Variants in ANK2 observed in about 807,000 individuals in gnomAD.
ANK2 encodes ankyrin-2.
A neutral mutation model predicts 360.5 loss-of-function variants in ANK2; 83 were observed. That is an observed-to-expected ratio of 0.23 (90% CI 0.19 to 0.28). The LOEUF (loss-of-function observed/expected upper bound fraction) is 0.28, where lower values mean the gene tolerates loss of function less well. Ranked by LOEUF, ANK2 falls within the 10% of genes least tolerant of loss-of-function variation. The pLI, the probability that ANK2 is intolerant of heterozygous loss-of-function variation, is 1.00. For missense variants in ANK2, 4,201 were observed against 4,795.7 expected (o/e 0.88, Z 3.66); for synonymous variants, 1,740 against 1,759.5 (o/e 0.99, Z 0.28).
chr4:113,245,998 G>A (rs1009863749), intron 9 of ANK2, among the ~76,000 whole-genome samples: 2 of 152,124 alleles, frequency 1.3e-5, no homozygotes, highest in Admixed American at 1.3e-4. Context: ...GTTTCTCCAT[G>A]TTGGTCAGGC....
At chr4:113,072,950 T>G (rs71604960) in intron 1 of ANK2, among the ~76,000 whole-genome samples, 5 of 138,284 alleles carry the variant, frequency 3.6e-5, no homozygotes, top group Non-Finnish European at 4.6e-5. Flanking sequence ...ACAAGGACAG[T>G]GTCTTTTTTT....
intron 2 of ANK2, among the ~76,000 whole-genome samples, chr4:112,997,862 T>C (rs1040779198): frequency 1.3e-5 from 2 of 151,098 alleles, no homozygotes; most frequent in African/African-American, 2.4e-5. Flanking sequence ...CACACACATA[T>C]ATATACACAC....
intron 2 of ANK2, among the ~76,000 whole-genome samples, chr4:112,930,117 C>T (rs1039663132): frequency 4.8e-5 from 7 of 145,310 alleles, no homozygotes; most frequent in Admixed American, 1.4e-4. Flanking sequence ...TGAAAGCTCC[C>T]TTTTTTTTTT....
intron 42 of ANK2, 79 bp from the exon 43 acceptor site, chr4:113,369,435 C>T (rs2154065194): frequency 6.7e-7 from 1 of 1,489,400 alleles, no homozygotes; most frequent in Non-Finnish European, 9.3e-7. Context: ...CCAGCTCCAT[C>T]TTGCCTTTCG....
At chr4:113,228,410 C>T (rs1321930138) in intron 4 of ANK2, among the ~76,000 whole-genome samples, 2 of 152,144 alleles carry the variant, frequency 1.3e-5, no homozygotes, top group Non-Finnish European at 2.9e-5. Context: ...TAGCTTAGCT[C>T]CCCCTAAGAG....
intron 18 of ANK2, among the ~76,000 whole-genome samples, chr4:113,285,032 T>A (rs1345837767): frequency 6.6e-6 from 1 of 151,972 alleles, no homozygotes; most frequent in Non-Finnish European, 1.5e-5. Context: ...TATCATAAAA[T>A]AAAACCAAAA....
chr4:112,715,186 T>TC, the ANK2 span, among the ~76,000 whole-genome samples: 1 of 151,786 alleles, frequency 6.6e-6, no homozygotes, highest in East Asian at 2.0e-4. Context: ...TGTGTGGATC[T>TC]TGGCTTCCTT....
chr4:113,156,237 C>A (rs948030607), intron 1 of ANK2, among the ~76,000 whole-genome samples: 1 of 151,904 alleles, frequency 6.6e-6, no homozygotes, highest in African/African-American at 2.4e-5. Flanking sequence ...TATAAAATAC[C>A]TTTTTAAACT....
Position 113,381,894 on chromosome 4 carries a change from G to A in ANK2, c.*423G>A. 2.8e-6 allele frequency: 1 copy of A among 361,412 alleles called. No homozygotes were observed. Among genetic ancestry groups the A allele is most frequent in the Non-Finnish European group, 5.4e-6 (1 of 185,580 alleles). 22.4% of individuals were successfully genotyped at this position (361,412 alleles called of 1,614,324 possible). A position where few individuals can be genotyped will look rare whatever the true frequency, so the allele number is the denominator to read the frequency against. ...TTGTGTCTGTGCTAACCTGGGAACT[G>A]GCCACCTCCATTGTTCTTTGCTTCT... is the stretch of plus-strand genomic sequence containing the variant. On this transcript the variant is annotated 3_prime_UTR_variant, in exon 46 of 46. Transcript: ENST00000357077.
At position 113,038,509 on chromosome 4, in the gene ANK2, C is replaced by G. The variant is rs558429802; in HGVS notation, c.21+133995C>G. Among the ~76,000 whole-genome samples the G allele has an allele frequency of 2.6e-5, 4 of 152,004 alleles. No individual in the cohort carries two copies. In the South Asian group the frequency reaches 8.3e-4, roughly 32 times the overall value. The stretch of plus-strand genomic sequence containing the variant: ...CCTGTCTGCTTTCTCTCTCTCTGGC[C>G]TACTTTACTTGCTGGCCATCTGTGG... On this transcript the variant is annotated intron_variant, in intron 2 of 30. Transcript: ENST00000503271.
chr4:112,880,099 C>G (rs571795837), intron 1 of ANK2, among the ~76,000 whole-genome samples: 1 of 152,072 alleles, frequency 6.6e-6, no homozygotes, highest in Non-Finnish European at 1.5e-5. Flanking sequence ...CACATATACT[C>G]TCTTACAGCT....
At chr4:113,215,519 A>G (rs2099075978) in intron 4 of ANK2, among the ~76,000 whole-genome samples, 1 of 152,190 alleles carries the variant, frequency 6.6e-6, no homozygotes, top group Non-Finnish European at 1.5e-5. Flanking sequence ...CTGAGAGATT[A>G]CTATTTTCTG....
At chr4:113,069,092 A>G (rs1043792366) in intron 1 of ANK2, among the ~76,000 whole-genome samples, 2 of 151,990 alleles carry the variant, frequency 1.3e-5, no homozygotes, top group African/African-American at 2.4e-5. Context: ...AGAAAAGAAA[A>G]GAGAGGAGAG....
intron 22 of ANK2, among the ~76,000 whole-genome samples, chr4:113,300,488 A>C (rs1170114382): frequency 2.0e-5 from 3 of 152,230 alleles, no homozygotes; most frequent in Non-Finnish European, 4.4e-5. Context: ...TCTTCCTCTT[A>C]AATGACTCAC....
chr4:112,972,623 G>A (rs2039940189), intron 2 of ANK2, among the ~76,000 whole-genome samples: 1 of 152,094 alleles, frequency 6.6e-6, no homozygotes, highest in African/African-American at 2.4e-5. Context: ...CAAATATGGG[G>A]TGTGATAGTA....
chr4:113,156,459 C>T (rs951594031), intron 1 of ANK2, among the ~76,000 whole-genome samples: 1 of 150,348 alleles, frequency 6.7e-6, no homozygotes, highest in Non-Finnish European at 1.5e-5. Flanking sequence ...CAACCTCCGC[C>T]TCCCGGGCTC....
In ANK2 at chr4:113,369,585, C is replaced by T. The variant is rs1429502979; in HGVS notation, c.11390C>T (p.Thr3797Ile). Residue 3797 changes from threonine (T) to isoleucine (I), a missense_variant, in exon 43 of 46, where the codon ACA (threonine) becomes ATA (isoleucine). Transcript: ENST00000357077. ...AMIVPSSPSK[T>I]PEEVSTPAEE... The stretch of plus-strand genomic sequence containing the variant: ...ATAGTACCCAGCTCTCCCAGCAAGA[C>T]ACCTGAGGAAGTTAGCACCCCTGCA... The T allele has an allele frequency of 4.3e-6, 7 of 1,614,146 alleles. No homozygotes were observed. The highest frequency in any genetic ancestry group is 4.2e-6 in the Non-Finnish European group (5 of 1,180,012).
chr4:112,791,479 CTTTTTTTTTT>C, the ANK2 span, among the ~76,000 whole-genome samples: 15 of 93,898 alleles, frequency 1.6e-4, no homozygotes, highest in Admixed American at 9.3e-4. Context: ...TCTTCTTCTT[CTTTTTTTTTT>C]TTTTTTTTTT....
chr4:112,749,806 C>T, the ANK2 span, among the ~76,000 whole-genome samples: 47 of 151,968 alleles, frequency 3.1e-4, no homozygotes, highest in African/African-American at 1.1e-3. Context: ...AGTGCAGTGG[C>T]GCGATCTTGG....
Sources: gnomAD v4.1 joint callset for allele counts (sites outside exome capture counted in the v4.1 genomes callset) on GRCh38, gnomAD v4.1.1 for gene constraint, MANE v1.5 for transcripts, NCBI Gene and HGNC (gene_info 2026-07-23, HGNC 2026-07-21) for gene names.